Variants in KCNMA1 observed in about 807,000 individuals in gnomAD.
KCNMA1 encodes Calcium-activated potassium channel subunit alpha-1.
KCNMA1 carries 29 observed loss-of-function variants against 140.0 expected under a neutral mutation model. The ratio of observed to expected loss-of-function variants is 0.21; its 90% CI spans 0.15 to 0.28. The LOEUF (loss-of-function observed/expected upper bound fraction) is 0.28, where lower values mean the gene tolerates loss of function less well. KCNMA1 is among the 10% of genes least tolerant of loss of function. The pLI is 1.00. For synonymous variants in KCNMA1, 612 were observed against 611.9 expected (o/e 1.00, Z 0.00); for missense variants, 880 against 1,602.2 (o/e 0.55, Z 7.70).
At chr10:77,054,087 T>C (rs1044086685) in intron 14 of KCNMA1, among the ~76,000 whole-genome samples, 3 of 152,122 alleles carry the variant, frequency 2.0e-5, no homozygotes, top group Admixed American at 6.5e-5. Context: ...TAGTGGTCCA[T>C]GGGTACTTAT....
At chr10:77,186,352 A>G (rs1413328858) in intron 3 of KCNMA1, among the ~76,000 whole-genome samples, 1 of 150,282 alleles carries the variant, frequency 6.7e-6, no homozygotes, top group East Asian at 1.9e-4. Flanking sequence ...ACAACACTGA[A>G]AAACAGTTCA....
chr10:77,286,664 C>T (rs1019403148), intron 2 of KCNMA1, among the ~76,000 whole-genome samples: 1 of 151,676 alleles, frequency 6.6e-6, no homozygotes, highest in Non-Finnish European at 1.5e-5. Context: ...CATTAGAATT[C>T]ATAGAATTTG....
At chr10:77,507,497 A>T (rs1193099299) in intron 1 of KCNMA1, among the ~76,000 whole-genome samples, 1 of 152,164 alleles carries the variant, frequency 6.6e-6, no homozygotes, top group African/African-American at 2.4e-5. Flanking sequence ...GAGCACCAAT[A>T]TCAAGGGATT....
intron 23 of KCNMA1, among the ~76,000 whole-genome samples, chr10:76,917,546 T>C (rs967984363): frequency 5.9e-5 from 9 of 152,210 alleles, no homozygotes; most frequent in African/African-American, 2.2e-4. Context: ...TTTGCTTTCA[T>C]ATTCCATTTT....
At chr10:77,082,002 CTTTTCTTTTTTTTTTTTTT>C (rs1215160948) in intron 12 of KCNMA1, among the ~76,000 whole-genome samples, 1,803 of 51,726 alleles carry the variant, frequency 0.035, 63 homozygotes, top group African/African-American at 0.081. Context: ...TTCTTTTTTT[CTTTTCTTTTTTTTTTTTTT>C]TTTTTTTTTT....
intron 3 of KCNMA1, among the ~76,000 whole-genome samples, chr10:77,236,315 C>A (rs1324652346): frequency 6.6e-6 from 1 of 152,206 alleles, no homozygotes; most frequent in Non-Finnish European, 1.5e-5. Context: ...TAATCTGTAT[C>A]TTTTCCCTGT....
At chr10:77,297,337 T>C (rs751222837) in intron 2 of KCNMA1, among the ~76,000 whole-genome samples, 4 of 152,210 alleles carry the variant, frequency 2.6e-5, no homozygotes, top group Admixed American at 6.5e-5. Flanking sequence ...GCCAAACTTC[T>C]TAGGTATCTT....
chr10:77,462,031 G>T (rs2097881242), intron 1 of KCNMA1, among the ~76,000 whole-genome samples: 1 of 148,720 alleles, frequency 6.7e-6, no homozygotes, highest in South Asian at 2.2e-4. Flanking sequence ...ACACACACAA[G>T]CAGACACATG....
At chr10:77,024,171 A>T (rs1219905447) in intron 16 of KCNMA1, among the ~76,000 whole-genome samples, 1 of 152,136 alleles carries the variant, frequency 6.6e-6, no homozygotes, top group Non-Finnish European at 1.5e-5. Flanking sequence ...ACATCACAAC[A>T]TGCCTTCACC....
At chr10:77,579,746 G>A (rs2075308732) in intron 1 of KCNMA1, among the ~76,000 whole-genome samples, 1 of 152,090 alleles carries the variant, frequency 6.6e-6, no homozygotes, top group Non-Finnish European at 1.5e-5. Context: ...TATTCCAGAG[G>A]CTGGGAGACC....
At chr10:77,000,489 A>G (rs2085882185) in intron 19 of KCNMA1, among the ~76,000 whole-genome samples, 1 of 152,168 alleles carries the variant, frequency 6.6e-6, no homozygotes, top group African/African-American at 2.4e-5. Context: ...CAGCCTTGCC[A>G]GCTACCAGCT....
intron 2 of KCNMA1, among the ~76,000 whole-genome samples, chr10:77,397,140 G>A (rs1277873919): frequency 6.6e-6 from 1 of 152,142 alleles, no homozygotes; most frequent in East Asian, 1.9e-4. Context: ...GAGTATGTGT[G>A]TGTGCCTGTA....
At chr10:77,262,639 G>A (rs2062337937) in intron 2 of KCNMA1, among the ~76,000 whole-genome samples, 1 of 151,964 alleles carries the variant, frequency 6.6e-6, no homozygotes, top group African/African-American at 2.4e-5. Context: ...ATGAGTTAGT[G>A]AGAGATATGA....
chr10:77,282,147 C>T (rs1209048228), intron 2 of KCNMA1, among the ~76,000 whole-genome samples: 3 of 152,168 alleles, frequency 2.0e-5, no homozygotes. Flanking sequence ...CTTTTTCCCA[C>T]TTTCCTCCCA....
At chr10:77,333,761 C>T (rs148153978) in intron 2 of KCNMA1, among the ~76,000 whole-genome samples, 205 of 152,280 alleles carry the variant, frequency 1.3e-3, no homozygotes, top group Non-Finnish European at 2.4e-3. Flanking sequence ...CAGACTACTA[C>T]GGAGTGACTC....
chr10:77,406,196 G>T (rs997928115), intron 1 of KCNMA1, among the ~76,000 whole-genome samples: 8 of 152,094 alleles, frequency 5.3e-5, no homozygotes, highest in Non-Finnish European at 1.0e-4. Context: ...CTGAGCCTCT[G>T]CCCTGTGAGA....
intron 19 of KCNMA1, among the ~76,000 whole-genome samples, chr10:76,983,988 T>C (rs2080397771): frequency 6.6e-6 from 1 of 152,170 alleles, no homozygotes; most frequent in African/African-American, 2.4e-5. Context: ...TAAAAATAGT[T>C]TTGCTTGCAC....
chr10:76,919,822 C>G (rs1305179259), intron 23 of KCNMA1, among the ~76,000 whole-genome samples: 1 of 151,686 alleles, frequency 6.6e-6, no homozygotes, highest in Non-Finnish European at 1.5e-5. Flanking sequence ...CTAAAAAATG[C>G]TGGCTACCAA....
At chr10:77,556,176 G>A (rs927982053) in intron 1 of KCNMA1, among the ~76,000 whole-genome samples, 1 of 152,062 alleles carries the variant, frequency 6.6e-6, no homozygotes, top group Non-Finnish European at 1.5e-5. Context: ...CTTTAAAAAT[G>A]GTATTATAGT....
Sources: gnomAD v4.1 joint callset for allele counts (sites outside exome capture counted in the v4.1 genomes callset) on GRCh38, gnomAD v4.1.1 for gene constraint, MANE v1.5 for transcripts, NCBI Gene and HGNC (gene_info 2026-07-23, HGNC 2026-07-21) for gene names.